The following EFCAB14 variants were observed in gnomAD, a reference collection of about 807,000 sequenced individuals.
EFCAB14 encodes EF-hand calcium binding domain 14.
Under a neutral mutation model 56.5 loss-of-function variants are expected in EFCAB14, and 43 were observed. The ratio of observed to expected loss-of-function variants is 0.76; its 90% confidence interval spans 0.60 to 0.98. The LOEUF is 0.98. EFCAB14 is among the 50% of genes least tolerant of loss of function. The pLI is 0.00. For synonymous variants in EFCAB14, 235 were observed against 212.9 expected, an observed-to-expected ratio of 1.10 and a Z score of -0.90; for missense variants, 538 against 580.3, an observed-to-expected ratio of 0.93 and a Z score of 0.75.
chr1:46,694,637 AAACTAGTTCAAC>A (rs1677051452), intron 4 of EFCAB14, among the ~76,000 whole-genome samples: 2 of 152,216 alleles, frequency 1.3e-5, no homozygotes, highest in Non-Finnish European at 2.9e-5. Flanking sequence ...GTGGGACTGT[AAACTAGTTCAAC>A]CATTGTGGAA....
At chr1:46,683,169 T>C (rs758598197) in intron 10 of EFCAB14, 131 bp downstream of exon 10, 10 of 1,037,690 alleles carry the variant, frequency 9.6e-6, no homozygotes, top group African/African-American at 1.6e-5. Context: ...ACATAATGCA[T>C]ATAAAGTATC....
rs1241471797 is a variant in EFCAB14, at chr1:46,696,632, A to C, written c.498T>G (p.Ser166=). ...CATTGGCTTTGAGGTGGTTCACTGCAGAAGTCAACAGAGAAATCTGAACAA... is the reference window on the plus strand; with the variant it reads ...CATTGGCTTTGAGGTGGTTCACTGCCGAAGTCAACAGAGAAATCTGAACAA... ...EMNKQISLLT[S]AVNHLKANVK... The change falls in exon 4 of 11, where the codon TCT becomes TCG. Residue 166 remains serine (S), a synonymous_variant. Transcript: ENST00000371933. The C allele has an allele frequency of 4.3e-6, 7 of 1,613,392 alleles. No homozygotes were observed. Among genetic ancestry groups the C allele is most frequent in the Middle Eastern group, 1.6e-4 (1 of 6,072 alleles).
At chr1:46,717,508 C>T (rs1008502184) in intron 1 of EFCAB14, among the ~76,000 whole-genome samples, 2 of 152,198 alleles carry the variant, frequency 1.3e-5, no homozygotes, top group Non-Finnish European at 2.9e-5. Context: ...TCAGACTCAT[C>T]AAGAGTGCAA....
At chr1:46,717,836 G>T in intron 1 of EFCAB14, 67 bp downstream of exon 1, 3 of 1,520,222 alleles carry the variant, frequency 2.0e-6, no homozygotes, top group Non-Finnish European at 8.9e-7. Context: ...TCTCCTTCCT[G>T]TCAATGTGGC....
At chr1:46,714,522 T>A (rs1202918791) in intron 2 of EFCAB14, among the ~76,000 whole-genome samples, 1 of 151,632 alleles carries the variant, frequency 6.6e-6, no homozygotes, top group Non-Finnish European at 1.5e-5. Context: ...CCGAGCACAA[T>A]GGCTCAAAGT....
Position 46,712,656 on chromosome 1 carries a change from T to C in EFCAB14, c.334+3639A>G, listed in dbSNP as rs182483684. ...AAAGCCAGACAAGCAGGTGGTCTTA[T>C]CCAAGTTCGTGAATCCCACTGTCTT... On this transcript the variant is annotated intron_variant, in intron 2 of 10. Coordinates refer to ENST00000371933, the MANE Select transcript of EFCAB14 (RefSeq NM_014774.3). 1.5e-3 allele frequency among the ~76,000 whole-genome samples: 231 copies of C among 152,240 alleles called. 1 individual carries two copies. The Middle Eastern group carries it at 0.027, about 18-fold the overall frequency.
Position 46,718,368 on chromosome 1 carries a change from G to A in EFCAB14, c.-281C>T, listed in dbSNP as rs534216207. ...AGGCCTTGGGTGCAGAGTGTTAGTA[G>A]AGGGTGGAGAGGGACCTTTATCTCC... On this transcript the variant is annotated 5_prime_UTR_variant, in exon 1 of 11. Transcript: ENST00000371933. The A allele has an allele frequency of 9.7e-4, 286 of 294,890 alleles. 4 individuals carry two copies. The highest frequency in any genetic ancestry group is 2.2e-4 in the Non-Finnish European group (34 of 157,074). 18.3% of individuals were successfully genotyped at this position (294,890 alleles called of 1,614,324 possible).
At chr1:46,707,473 C>T (rs2148849335) in intron 3 of EFCAB14, among the ~76,000 whole-genome samples, 1 of 152,266 alleles carries the variant, frequency 6.6e-6, no homozygotes, top group African/African-American at 2.4e-5. Context: ...ATCACCCACT[C>T]CTAAGCTATT....
chr1:46,683,473 C>A, intron 9 of EFCAB14, 48 bp from the exon 10 acceptor site: 2 of 1,568,790 alleles, frequency 1.3e-6, no homozygotes, highest in South Asian at 1.2e-5. Context: ...AATCTAACAC[C>A]AAATTAAACT....
intron 6 of EFCAB14, 25 bp downstream of exon 6, chr1:46,689,562 G>T: frequency 6.2e-7 from 1 of 1,609,326 alleles, no homozygotes; most frequent in South Asian, 1.1e-5. Flanking sequence ...TGGTCACAGG[G>T]AGTTAAGCCA....
At chr1:46,684,393 G>T in intron 9 of EFCAB14, 98 bp downstream of exon 9, 2 of 944,656 alleles carry the variant, frequency 2.1e-6, no homozygotes, top group Non-Finnish European at 3.3e-6. Context: ...CACTCGCTTG[G>T]TGCGATCAGT....
At position 46,696,421 on chromosome 1, in the gene EFCAB14, C is replaced by T. The variant is rs952393965; in HGVS notation, c.579+130G>A. 5.8e-6 allele frequency: 5 copies of T among 860,504 alleles called. No individual in the cohort carries two copies. In the African/African-American group the frequency reaches 8.5e-5, roughly 15 times the overall value. 53.3% of individuals were successfully genotyped at this position (860,504 alleles called of 1,614,324 possible). A position where few individuals can be genotyped will look rare whatever the true frequency, so the allele number is the denominator to read the frequency against. On this transcript the variant is annotated intron_variant, in intron 4 of 10. Transcript: ENST00000371933. Reference sequence around the variant, plus strand: ...GACACAGTGATACACTCCATTACTGCCCTCTTGGAGCAGCTGATTTCAAAT... The same window carrying T: ...GACACAGTGATACACTCCATTACTGTCCTCTTGGAGCAGCTGATTTCAAAT...
At chr1:46,717,477 A>C (rs1233514752) in intron 1 of EFCAB14, among the ~76,000 whole-genome samples, 4 of 152,096 alleles carry the variant, frequency 2.6e-5, no homozygotes, top group Non-Finnish European at 1.5e-5. Context: ...ATCTCTCACC[A>C]TATTTCCCCA....
At chr1:46,709,951 G>A (rs902406910) in intron 2 of EFCAB14, among the ~76,000 whole-genome samples, 1 of 152,056 alleles carries the variant, frequency 6.6e-6, no homozygotes, top group South Asian at 2.1e-4. Context: ...TCTTGCCACC[G>A]CACTCCAGCC....
chr1:46,705,364 C>A (rs1436350959), intron 3 of EFCAB14, among the ~76,000 whole-genome samples: 1 of 152,136 alleles, frequency 6.6e-6, no homozygotes, highest in Non-Finnish European at 1.5e-5. Context: ...TAGATGAAGC[C>A]CTAGGACAGA....
At position 46,686,159 on chromosome 1, in the gene EFCAB14, C is replaced by T. The variant is rs553938655; in HGVS notation, c.1074+625G>A. On this transcript the variant is annotated intron_variant, in intron 8 of 10. Transcript: ENST00000371933. The stretch of plus-strand genomic sequence containing the variant: ...CTAATCAGAGAATACTGTAATCACA[C>T]TTTCTTTCCTGGAATATCAAAGCAT... Among the ~76,000 whole-genome samples, 37 of 152,284 alleles carry T rather than the reference C, an allele frequency of 2.4e-4. 1 individual carries two copies. The highest frequency in any genetic ancestry group is 7.0e-4 in the African/African-American group (29 of 41,580).
chr1:46,697,195 T>C (rs1452325099), intron 3 of EFCAB14, among the ~76,000 whole-genome samples: 1 of 152,188 alleles, frequency 6.6e-6, no homozygotes, highest in African/African-American at 2.4e-5. Context: ...GGTTTAAAAA[T>C]GTGACTAATA....
rs1487432440 is a variant in EFCAB14 at position 46,688,499 on chromosome 1, G to C, written c.841C>G (p.Leu281Val). The change falls in exon 7 of 11, where the codon CTA becomes GTA. Residue 281 changes from leucine (L) to valine (V), a missense_variant. Transcript: ENST00000371933. Reference sequence around the variant, plus strand: ...TCATTCTGTCTCTGGTACCCCACTAGGGCACTGTTTACCTCCTCTAAAGAG... The same window carrying C: ...TCATTCTGTCTCTGGTACCCCACTACGGCACTGTTTACCTCCTCTAAAGAG... ...HNSLEEVNSA[L>V]VGYQRQNDLK... is the part of the protein sequence containing the mutation. 2 of 1,613,798 alleles carry C rather than the reference G, an allele frequency of 1.2e-6. No individual in the cohort carries two copies. Among genetic ancestry groups the C allele is most frequent in the Non-Finnish European group, 1.7e-6 (2 of 1,179,846 alleles).
intron 4 of EFCAB14, among the ~76,000 whole-genome samples, chr1:46,695,075 T>C (rs1265904461): frequency 1.7e-5 from 2 of 116,024 alleles, no homozygotes; most frequent in African/African-American, 6.6e-5. Context: ...CCGGGGCCTG[T>C]TTTGGGGTGG....
Sources: allele counts gnomAD v4.1 joint callset (sites outside exome capture counted in the v4.1 genomes callset), GRCh38; gene constraint gnomAD v4.1.1; transcripts MANE v1.5; gene names NCBI Gene and HGNC (gene_info 2026-07-23, HGNC 2026-07-21).